Variants in RAPH1 observed in about 807,000 individuals in gnomAD.
RAPH1 encodes ras-associated and pleckstrin homology domains-containing protein 1.
In RAPH1, 18 loss-of-function variants were observed where a neutral mutation model predicts 88.1. That is an observed-to-expected ratio of 0.20 (90% CI 0.14 to 0.30). RAPH1 has a LOEUF of 0.30. Ranked by LOEUF, RAPH1 falls within the 10% of genes least tolerant of loss-of-function variation. RAPH1 has a pLI of 1.00. For synonymous variants in RAPH1, 587 were observed against 559.0 expected (o/e 1.05, Z -0.71); for missense variants, 1,448 against 1,543.2 (o/e 0.94, Z 1.03).
intron 1 of RAPH1, among the ~76,000 whole-genome samples, chr2:203,519,391 T>A (rs1378717011): frequency 6.6e-6 from 1 of 152,190 alleles, no homozygotes; most frequent in African/African-American, 2.4e-5. Flanking sequence ...TAAAAAAATT[T>A]TTTTTAATCA....
rs2153636561 is a variant in RAPH1 at position 203,448,236 on chromosome 2, A to AGG, written c.1513-158_1513-157insCC. 1.3e-5 allele frequency among the ~76,000 whole-genome samples: 2 copies of AGG among 152,330 alleles called. No homozygotes were observed. Among genetic ancestry groups the AGG allele is most frequent in the East Asian group, 3.9e-4 (2 of 5,192 alleles). ...AAAAATTCCTCTAATACCATAAATT[A>AGG]TAATCTATTCTTATTTCTCCTCATT... is the stretch of plus-strand genomic sequence containing the variant. On this transcript the variant is annotated intron_variant, in intron 11 of 13. Coordinates refer to ENST00000319170, the MANE Select transcript of RAPH1 (RefSeq NM_213589.3). The surrounding 1 kb of genome is among the most constrained non-coding windows in gnomAD (Gnocchi z 4.1).
intron 4 of RAPH1, among the ~76,000 whole-genome samples, chr2:203,482,731 G>A (rs184976533): frequency 1.3e-3 from 205 of 152,000 alleles, no homozygotes; most frequent in African/African-American, 4.7e-3. Context: ...TGAACCCAGG[G>A]AGCAGAGGTT....
chr2:203,440,364 A>AGGT lies in RAPH1; in HGVS notation c.2823_2825dup (p.Pro944dup), dbSNP rs1170149008. 2.0e-6 allele frequency: 3 copies of AGGT among 1,486,344 alleles called. No individual in the cohort carries two copies. Among genetic ancestry groups the AGGT allele is most frequent in the Non-Finnish European group, 2.7e-6 (3 of 1,105,522 alleles). The allele number at this position is 1,486,344 out of a possible 1,614,324, so 92.1% of individuals were successfully genotyped here. A position where few individuals can be genotyped will look rare whatever the true frequency, so the allele number is the denominator to read the frequency against. On this transcript the variant is annotated inframe_insertion, in exon 14 of 14. Transcript: ENST00000319170. ...CAGGGGTAGGAGAAGCTGTGGGTGG[A>AGGT]GGTGGTGGTGGTGGGGCTGGGACAG...
intron 1 of RAPH1, among the ~76,000 whole-genome samples, chr2:203,500,275 A>G (rs983612143): frequency 6.6e-6 from 1 of 152,214 alleles, no homozygotes; most frequent in African/African-American, 2.4e-5. Flanking sequence ...AGACCTGAAG[A>G]GTGAATATGT....
At chr2:203,445,849 C>T (rs1439072377) in intron 12 of RAPH1, 1 of 152,134 alleles carries the variant, frequency 6.6e-6, no homozygotes, top group Non-Finnish European at 1.5e-5. Flanking sequence ...TTTAAGATAT[C>T]TACATATTAG....
At chr2:203,475,060 G>A (rs77588570) in intron 4 of RAPH1, among the ~76,000 whole-genome samples, 2 of 151,952 alleles carry the variant, frequency 1.3e-5, no homozygotes, top group Non-Finnish European at 2.9e-5. Flanking sequence ...GCAGTGAGCC[G>A]AGATGGCACC....
intron 10 of RAPH1, among the ~76,000 whole-genome samples, chr2:203,453,262 A>G (rs577993060): frequency 2.6e-5 from 4 of 152,242 alleles, no homozygotes; most frequent in Middle Eastern, 6.8e-3. Context: ...GGTTACCATT[A>G]TGGCCAGGAG....
chr2:203,477,137 C>G, intron 4 of RAPH1: 1 of 1,613,840 alleles, frequency 6.2e-7, no homozygotes, highest in Non-Finnish European at 8.5e-7. Context: ...CTTGCTGGAA[C>G]ATCTCAGAGA....
intron 4 of RAPH1, among the ~76,000 whole-genome samples, chr2:203,462,380 TC>T (rs2098524820): frequency 1.3e-5 from 2 of 152,292 alleles, no homozygotes; most frequent in South Asian, 4.1e-4. Context: ...TATACCACTA[TC>T]ATAAAAATAT....
chr2:203,517,910 A>G (rs1273960316), intron 1 of RAPH1, among the ~76,000 whole-genome samples: 1 of 152,192 alleles, frequency 6.6e-6, no homozygotes, highest in African/African-American at 2.4e-5. Flanking sequence ...TCTGCATTAG[A>G]AAAGAGGACC....
intron 1 of RAPH1, among the ~76,000 whole-genome samples, chr2:203,519,279 T>C (rs1421433746): frequency 1.3e-5 from 2 of 152,162 alleles, no homozygotes; most frequent in African/African-American, 4.8e-5. Flanking sequence ...CAACAATGTA[T>C]AAAAATAATT....
At chr2:203,473,197 G>A (rs542875077) in intron 4 of RAPH1, among the ~76,000 whole-genome samples, 2 of 152,264 alleles carry the variant, frequency 1.3e-5, no homozygotes, top group South Asian at 4.1e-4. Flanking sequence ...CAGATAGGAG[G>A]ACCACTTGAG....
At position 203,442,433 on chromosome 2, in the gene RAPH1, G is replaced by A. The variant is rs149845119; in HGVS notation, c.1777-1020C>T. On this transcript the variant is annotated intron_variant, in intron 13 of 13. Transcript: ENST00000319170. ...TTTGTTTTCAATTTTGAATGACATCGAGAATGCATGGGTTAGTGAACTAGA... is the reference window on the plus strand; with the variant it reads ...TTTGTTTTCAATTTTGAATGACATCAAGAATGCATGGGTTAGTGAACTAGA... The A allele has an allele frequency of 5.7e-5, 10 of 174,380 alleles. No individual in the cohort carries two copies. In the East Asian group the frequency reaches 1.5e-3, roughly 27 times the overall value. 10.8% of individuals were successfully genotyped at this position (174,380 alleles called of 1,614,324 possible). A position where few individuals can be genotyped will look rare whatever the true frequency, so the allele number is the denominator to read the frequency against.
intron 1 of RAPH1, chr2:203,533,439 T>A (rs1690475541): frequency 6.6e-6 from 1 of 152,116 alleles, no homozygotes; most frequent in Non-Finnish European, 1.5e-5. Flanking sequence ...TCTTTGAAGG[T>A]CAGACTCAAC....
chr2:203,504,759 T>A (rs1222743079), intron 1 of RAPH1, among the ~76,000 whole-genome samples: 1 of 152,156 alleles, frequency 6.6e-6, no homozygotes, highest in Non-Finnish European at 1.5e-5. Context: ...TAAAACAGAA[T>A]GCTTTTAATA....
At chr2:203,454,197 C>T (rs921082263) in intron 10 of RAPH1, among the ~76,000 whole-genome samples, 4 of 152,168 alleles carry the variant, frequency 2.6e-5, no homozygotes, top group South Asian at 2.1e-4. Flanking sequence ...TTATATCTCA[C>T]AACTCAAAGC....
chr2:203,492,165 CA>C (rs887266407), intron 2 of RAPH1, among the ~76,000 whole-genome samples: 91 of 148,626 alleles, frequency 6.1e-4, no homozygotes, highest in African/African-American at 2.2e-3. Flanking sequence ...GCCTGAGAGG[CA>C]GAGGTTGCAG....
intron 1 of RAPH1, among the ~76,000 whole-genome samples, chr2:203,525,995 C>T (rs1690097754): frequency 6.7e-6 from 1 of 150,272 alleles, no homozygotes; most frequent in Admixed American, 6.6e-5. Flanking sequence ...TGGAGGTGTT[C>T]CGAAAAAAAA....
intron 4 of RAPH1, among the ~76,000 whole-genome samples, chr2:203,472,416 G>A (rs1248321459): frequency 1.3e-5 from 2 of 152,192 alleles, no homozygotes; most frequent in Non-Finnish European, 2.9e-5. Flanking sequence ...ATAGGCGTGA[G>A]CCACTGTGCC....
Sources: gnomAD v4.1 joint callset for allele counts (sites outside exome capture counted in the v4.1 genomes callset) on GRCh38, gnomAD v4.1.1 for gene constraint, Gnocchi (gnomAD v3.1) non-coding constraint, MANE v1.5 for transcripts, NCBI Gene and HGNC (gene_info 2026-07-23, HGNC 2026-07-21) for gene names.